Variants in PDE4D observed in about 807,000 individuals in gnomAD.
The protein encoded by PDE4D is phosphodiesterase 4D, also known as 3',5'-cyclic-AMP phosphodiesterase 4D.
PDE4D carries 24 observed loss-of-function variants against 87.4 expected under a neutral mutation model. The observed-to-expected ratio is 0.27, with a 90% CI of 0.20 to 0.39. The LOEUF (loss-of-function observed/expected upper bound fraction) is 0.39. Among genes scored for constraint, PDE4D ranks in the 10% least tolerant of loss-of-function variants. The pLI is 1.00. For missense variants in PDE4D, 714 were observed against 1,041.0 expected (o/e 0.69, Z 4.32); for synonymous variants, 384 against 383.2 (o/e 1.00, Z -0.02).
At chr5:59,214,199 TC>T (rs1750739278) in intron 2 of PDE4D, among the ~76,000 whole-genome samples, 1 of 152,096 alleles carries the variant, frequency 6.6e-6, no homozygotes, top group Admixed American at 6.6e-5. Flanking sequence ...ATGAAATACT[TC>T]CCTGTAGTGA....
At chr5:59,395,375 G>C (rs553439360) in intron 1 of PDE4D, among the ~76,000 whole-genome samples, 6 of 152,200 alleles carry the variant, frequency 3.9e-5, no homozygotes, top group East Asian at 1.9e-4. Context: ...CTCCCAGCAC[G>C]CAGCTGGAGA....
intron 1 of PDE4D, among the ~76,000 whole-genome samples, chr5:60,265,826 C>A (rs1172490277): frequency 6.6e-6 from 1 of 152,178 alleles, no homozygotes; most frequent in Non-Finnish European, 1.5e-5. Flanking sequence ...AGCCCCGAGT[C>A]AGGGCAGAGG....
intron 1 of PDE4D, among the ~76,000 whole-genome samples, chr5:59,717,588 T>C (rs1205226842): frequency 6.6e-6 from 1 of 152,124 alleles, no homozygotes; most frequent in African/African-American, 2.4e-5. Context: ...ACAAATGCAA[T>C]AGGAAACTAA....
intron 2 of PDE4D, chr5:60,032,716 T>C (rs1415911902): frequency 6.6e-6 from 1 of 152,204 alleles, no homozygotes; most frequent in African/African-American, 2.4e-5. Flanking sequence ...GCACTTACTA[T>C]AGAGCTTTCC....
At chr5:59,446,659 C>G (rs558976623) in intron 1 of PDE4D, among the ~76,000 whole-genome samples, 10 of 152,182 alleles carry the variant, frequency 6.6e-5, no homozygotes, top group African/African-American at 2.4e-4. Context: ...GAGGGGAATC[C>G]CTGAAATGTT....
intron 1 of PDE4D, among the ~76,000 whole-genome samples, chr5:60,303,096 T>C (rs189854070): frequency 6.6e-6 from 1 of 152,266 alleles, no homozygotes; most frequent in African/African-American, 2.4e-5. Context: ...CCCCAAGTAC[T>C]GGGATTACAG....
chr5:59,081,389 T>C (rs1363922271), intron 5 of PDE4D, among the ~76,000 whole-genome samples: 2 of 152,062 alleles, frequency 1.3e-5, no homozygotes, highest in Admixed American at 1.3e-4. Flanking sequence ...TCTATAATTA[T>C]ATATGATAAG....
chr5:59,787,680 C>T (rs1466183691), intron 1 of PDE4D, among the ~76,000 whole-genome samples: 2 of 152,102 alleles, frequency 1.3e-5, no homozygotes, highest in Non-Finnish European at 2.9e-5. Flanking sequence ...TAATGAGGAG[C>T]TTTTGAAGTG....
At chr5:60,230,402 G>T (rs149017857) in intron 1 of PDE4D, among the ~76,000 whole-genome samples, 11 of 152,182 alleles carry the variant, frequency 7.2e-5, no homozygotes, top group Non-Finnish European at 1.5e-4. Flanking sequence ...GGGCAAATGT[G>T]ATGTCCTTTG....
chr5:59,870,421 C>T (rs146990654), intron 1 of PDE4D, among the ~76,000 whole-genome samples: 2 of 152,212 alleles, frequency 1.3e-5, no homozygotes, highest in African/African-American at 4.8e-5. Context: ...GAAGTACACT[C>T]GATATATCCT....
chr5:59,173,621 C>G (rs1318003175), intron 5 of PDE4D, among the ~76,000 whole-genome samples: 7 of 152,186 alleles, frequency 4.6e-5, no homozygotes, highest in Admixed American at 4.6e-4. Flanking sequence ...GTATCATCAG[C>G]ATTTTTCGAT....
intron 1 of PDE4D, among the ~76,000 whole-genome samples, chr5:60,295,645 C>T (rs1279870198): frequency 6.6e-6 from 1 of 152,112 alleles, no homozygotes; most frequent in Non-Finnish European, 1.5e-5. Context: ...CAGACGTTGC[C>T]TAATGTCCCT....
chr5:59,943,338 T>G (rs1173264309), intron 3 of PDE4D, among the ~76,000 whole-genome samples: 3 of 152,122 alleles, frequency 2.0e-5, no homozygotes, highest in African/African-American at 7.2e-5. Context: ...GAGTTCTTTG[T>G]CCTTCTGCTG....
At chr5:59,413,185 C>T (rs258126) in intron 1 of PDE4D, among the ~76,000 whole-genome samples, 32,205 of 152,020 alleles carry the variant, frequency 0.21, 3,706 homozygotes, top group East Asian at 0.38. Flanking sequence ...TGGCTGGGCG[C>T]GGTGGCTCAC....
chr5:59,557,577 A>C (rs1305254028), intron 1 of PDE4D, among the ~76,000 whole-genome samples: 1 of 152,164 alleles, frequency 6.6e-6, no homozygotes, highest in African/African-American at 2.4e-5. Flanking sequence ...TTCAGAAATA[A>C]TTTAGTCAGT....
intron 1 of PDE4D, among the ~76,000 whole-genome samples, chr5:59,711,261 T>C (rs980661990): frequency 1.6e-4 from 25 of 152,298 alleles, no homozygotes; most frequent in African/African-American, 5.8e-4. Context: ...TTTGTTGATA[T>C]AAGACCATTA....
At chr5:59,456,269 T>C (rs375800846) in intron 1 of PDE4D, among the ~76,000 whole-genome samples, 4 of 152,270 alleles carry the variant, frequency 2.6e-5, no homozygotes, top group African/African-American at 9.6e-5. Context: ...GATTCAATTA[T>C]GGGGGCAGCT....
chr5:59,453,667 A>T (rs1192598789), intron 1 of PDE4D, among the ~76,000 whole-genome samples: 1 of 152,328 alleles, frequency 6.6e-6, no homozygotes, highest in African/African-American at 2.4e-5. Context: ...AAAGATTGAT[A>T]GAGATGAGGA....
intron 2 of PDE4D, among the ~76,000 whole-genome samples, chr5:59,194,681 C>T (rs1357150200): frequency 3.3e-5 from 5 of 152,094 alleles, no homozygotes; most frequent in Non-Finnish European, 5.9e-5. Context: ...TCATGTTTTT[C>T]AAGGGGCACC....
Sources: gnomAD v4.1 joint callset for allele counts (sites outside exome capture counted in the v4.1 genomes callset) on GRCh38, gnomAD v4.1.1 for gene constraint, MANE v1.5 for transcripts, NCBI Gene and HGNC (gene_info 2026-07-23, HGNC 2026-07-21) for gene names.